TYW1B: variants seen among roughly 807,000 people sequenced by gnomAD.
The protein encoded by TYW1B is S-adenosyl-L-methionine-dependent tRNA 4-demethylwyosine synthase TYW1B.
Under a neutral mutation model 86.9 loss-of-function variants are expected in TYW1B, and 73 were observed. The ratio of observed to expected loss-of-function variants is 0.84; its 90% CI spans 0.70 to 1.02. TYW1B has a LOEUF of 1.02. Ranked by LOEUF, TYW1B falls within the 50% of genes least tolerant of loss-of-function variation. The pLI is 0.00. For synonymous variants in TYW1B, 248 were observed against 292.8 expected (o/e 0.85, Z 1.56); for missense variants, 637 against 827.4 (o/e 0.77, Z 2.82).
chr7:72,818,928 C>A (rs782334167), intron 2 of TYW1B, among the ~76,000 whole-genome samples: 9 of 152,154 alleles, frequency 5.9e-5, no homozygotes, highest in Non-Finnish European at 1.0e-4. Flanking sequence ...CAAGCCCCAC[C>A]TCCAACACTG....
chr7:72,807,498 C>G, intron 4 of TYW1B, 142 bp from the exon 5 acceptor site: 2 of 1,005,784 alleles, frequency 2.0e-6, no homozygotes, highest in Non-Finnish European at 2.9e-6. Context: ...GCAAAATGAC[C>G]TTCAAGCCTT....
chr7:72,634,386 A>C (rs2129568872), intron 11 of TYW1B, among the ~76,000 whole-genome samples: 1 of 135,794 alleles, frequency 7.4e-6, no homozygotes, highest in Admixed American at 7.9e-5. Context: ...ACAGGCTCTC[A>C]CTTTGTTGCC....
intron 13 of TYW1B, among the ~76,000 whole-genome samples, chr7:72,586,822 G>A (rs1811289031): frequency 6.6e-6 from 1 of 151,984 alleles, no homozygotes; most frequent in Non-Finnish European, 1.5e-5. Flanking sequence ...CTATCAGGCA[G>A]GACATTCCAA....
At chr7:72,774,132 C>G (rs1192765240) in intron 7 of TYW1B, among the ~76,000 whole-genome samples, 2 of 149,714 alleles carry the variant, frequency 1.3e-5, no homozygotes, top group African/African-American at 4.9e-5. Flanking sequence ...AAGGGAAGGA[C>G]TGAGGAAGGG....
intron 13 of TYW1B, among the ~76,000 whole-genome samples, chr7:72,603,526 C>T (rs868994759): frequency 1.6e-4 from 24 of 152,308 alleles, no homozygotes; most frequent in African/African-American, 4.8e-4. Flanking sequence ...CCCTCAAGGA[C>T]GGGGAGCCTA....
At chr7:72,752,177 G>C (rs555265502) in intron 7 of TYW1B, among the ~76,000 whole-genome samples, 1 of 152,310 alleles carries the variant, frequency 6.6e-6, no homozygotes, top group East Asian at 1.9e-4. Flanking sequence ...GTGGGGAAGA[G>C]AGTCTCAGGC....
Position 72,728,865 on chromosome 7 carries a change from C to T in TYW1B, c.1149G>A (p.Lys383=). 6.2e-7 allele frequency: 1 copy of T among 1,613,942 alleles called. No individual in the cohort carries two copies. Among genetic ancestry groups the T allele is most frequent in the African/African-American group, 1.3e-5 (1 of 75,026 alleles). The change falls in exon 9 of 14, where the codon AAG becomes AAA. Residue 383 remains lysine, a synonymous_variant. Transcript: ENST00000620995. The stretch of plus-strand genomic sequence containing the variant: ...TGTTCTGATGGTTTTCAATGGCTTC[C>T]TTCAAGATCATTTCAGGCTGGTCCA... The part of the protein sequence containing the change: ...WKMDQPEMIL[K]EAIENHQNMI...
chr7:72,770,573 A>AGT (rs1223661835), intron 7 of TYW1B, among the ~76,000 whole-genome samples: 37 of 152,188 alleles, frequency 2.4e-4, no homozygotes, highest in African/African-American at 8.2e-4. Flanking sequence ...TTGCTGAGCA[A>AGT]GTATAAAGTA....
intron 8 of TYW1B, among the ~76,000 whole-genome samples, chr7:72,734,988 T>C (rs1554460684): frequency 6.6e-6 from 1 of 152,186 alleles, no homozygotes; most frequent in East Asian, 1.9e-4. Context: ...AAGGGAACTC[T>C]TATACACTGT....
chr7:72,715,178 A>G (rs1326982901), intron 9 of TYW1B, among the ~76,000 whole-genome samples: 3 of 151,942 alleles, frequency 2.0e-5, no homozygotes, highest in African/African-American at 7.3e-5. Flanking sequence ...GGTGCAGGCA[A>G]TTCGCAGTTT....
intron 10 of TYW1B, among the ~76,000 whole-genome samples, chr7:72,711,339 G>A (rs1335539063): frequency 6.6e-6 from 1 of 152,002 alleles, no homozygotes; most frequent in East Asian, 1.9e-4. Context: ...AAACTCTCCC[G>A]CCCTGAATCC....
intron 10 of TYW1B, among the ~76,000 whole-genome samples, chr7:72,699,083 G>A (rs1814394729): frequency 6.6e-6 from 1 of 152,078 alleles, no homozygotes; most frequent in Admixed American, 6.6e-5. Flanking sequence ...ACTAAGGTGG[G>A]GAAAATGTAA....
At position 72,685,055 on chromosome 7, in the gene TYW1B, T is replaced by A. The variant is rs183098694; in HGVS notation, c.1506+9632A>T. 1.5e-3 allele frequency among the ~76,000 whole-genome samples: 216 copies of A among 148,682 alleles called. 3 individuals are homozygous for A. The highest frequency in any genetic ancestry group is 5.9e-4 in the East Asian group (3 of 5,048). ...TGAACCTGGGAGGCGGAGGTTGCAGTGCGCCAAGATCAGGCCACTGAACTC... is the reference window on the plus strand; with the variant it reads ...TGAACCTGGGAGGCGGAGGTTGCAGAGCGCCAAGATCAGGCCACTGAACTC... On this transcript the variant is annotated intron_variant, in intron 11 of 13. Transcript: ENST00000620995.
intron 12 of TYW1B, among the ~76,000 whole-genome samples, chr7:72,619,379 C>A (rs572487256): frequency 6.6e-6 from 1 of 152,110 alleles, no homozygotes; most frequent in African/African-American, 2.4e-5. Flanking sequence ...CGGTGGCTCA[C>A]GCCTGTAATC....
At chr7:72,747,721 T>C (rs1451844089) in intron 7 of TYW1B, among the ~76,000 whole-genome samples, 6 of 152,232 alleles carry the variant, frequency 3.9e-5, no homozygotes, top group Non-Finnish European at 8.8e-5. Context: ...GTCTTATTGG[T>C]ATTTTTGTAA....
At chr7:72,773,105 T>A (rs1279515028) in intron 7 of TYW1B, among the ~76,000 whole-genome samples, 1 of 152,156 alleles carries the variant, frequency 6.6e-6, no homozygotes, top group East Asian at 1.9e-4. Context: ...ATCATAGAAA[T>A]CATCCTCTAT....
At position 72,815,505 on chromosome 7, in the gene TYW1B, A is replaced by G. The variant is rs782539463; in HGVS notation, c.136-24T>C. Reference sequence around the variant, plus strand: ...CCCTAATAGGACAAAAAAAAACTTCAAATAAAGTCTTCAATGAGCCAAATA... The same window carrying G: ...CCCTAATAGGACAAAAAAAAACTTCGAATAAAGTCTTCAATGAGCCAAATA... On this transcript the variant is annotated intron_variant, in intron 2 of 13. Transcript: ENST00000620995. The G allele has an allele frequency of 4.4e-6, 7 of 1,594,552 alleles. 1 individual carries two copies. In the South Asian group the frequency reaches 8.1e-5, roughly 19 times the overall value.
chr7:72,640,822 C>T (rs1812784115), intron 11 of TYW1B, among the ~76,000 whole-genome samples: 1 of 152,040 alleles, frequency 6.6e-6, no homozygotes, highest in African/African-American at 2.4e-5. Flanking sequence ...GGAGTAAAAG[C>T]ACAGAACATA....
Position 72,818,945 on chromosome 7 carries a change from A to C in TYW1B, c.136-3464T>G, listed in dbSNP as rs1788777862. Among the ~76,000 whole-genome samples, 6 of 152,168 alleles carry C rather than the reference A, an allele frequency of 3.9e-5. No individual in the cohort carries two copies. The South Asian group carries it at 1.0e-3, about 26-fold the overall frequency. On this transcript the variant is annotated intron_variant, in intron 2 of 13. Coordinates refer to ENST00000620995, the MANE Select transcript of TYW1B (RefSeq NM_001145440.3). ...AGCCCCACCTCCAACACTGGGGACTACGATTCGACATCAGATTTGGTGGGG... is the reference window on the plus strand; with the variant it reads ...AGCCCCACCTCCAACACTGGGGACTCCGATTCGACATCAGATTTGGTGGGG...
Sources: allele counts gnomAD v4.1 joint callset (sites outside exome capture counted in the v4.1 genomes callset), GRCh38; gene constraint gnomAD v4.1.1; transcripts MANE v1.5; gene names NCBI Gene and HGNC (gene_info 2026-07-23, HGNC 2026-07-21).